Variants in ME1 observed in about 807,000 individuals in gnomAD.
The protein encoded by ME1 is malic enzyme 1.
A neutral mutation model predicts 66.4 loss-of-function variants in ME1; 74 were observed. The ratio of observed to expected loss-of-function variants is 1.11; its 90% CI spans 0.92 to 1.35. The LOEUF (loss-of-function observed/expected upper bound fraction) is 1.35, where lower values mean the gene tolerates loss of function less well. Among genes scored for constraint, ME1 ranks in the 40% most tolerant of loss-of-function variants. ME1 has a pLI of 0.00. For synonymous variants in ME1, 251 were observed against 235.6 expected, an observed-to-expected ratio of 1.07 and a Z score of -0.60; for missense variants, 750 against 694.1, an observed-to-expected ratio of 1.08 and a Z score of -0.90.
intron 5 of ME1, among the ~76,000 whole-genome samples, chr6:83,317,247 A>G (rs557321701): frequency 2.1e-4 from 32 of 151,394 alleles, no homozygotes; most frequent in African/African-American, 7.7e-4. Flanking sequence ...TTTTTAAGAA[A>G]TCTCTGAATG....
intron 5 of ME1, among the ~76,000 whole-genome samples, chr6:83,317,307 T>C (rs1342317253): frequency 6.6e-6 from 1 of 152,224 alleles, no homozygotes; most frequent in South Asian, 2.1e-4. Flanking sequence ...AAGGAACTGG[T>C]CTTCCATTTG....
At chr6:83,374,892 G>A (rs997531308) in intron 3 of ME1, among the ~76,000 whole-genome samples, 1 of 152,180 alleles carries the variant, frequency 6.6e-6, no homozygotes, top group Non-Finnish European at 1.5e-5. Flanking sequence ...GTTTGTCAAA[G>A]ATCAGATAGT....
chr6:83,254,539 C>A (rs1264743089), intron 6 of ME1, among the ~76,000 whole-genome samples: 2 of 152,122 alleles, frequency 1.3e-5, no homozygotes, highest in Non-Finnish European at 2.9e-5. Context: ...TTTTACAAAC[C>A]TTTTATTCTC....
chr6:83,221,682 C>CAGATTTGGCCACTACT (rs547927182), intron 12 of ME1, among the ~76,000 whole-genome samples: 119 of 151,934 alleles, frequency 7.8e-4, no homozygotes, highest in Non-Finnish European at 1.6e-3. Flanking sequence ...TAGAGATACA[C>CAGATTTGGCCACTACT]AGATTTGGCC....
At chr6:83,282,466 A>T (rs1767317119) in intron 6 of ME1, among the ~76,000 whole-genome samples, 1 of 152,258 alleles carries the variant, frequency 6.6e-6, no homozygotes, top group African/African-American at 2.4e-5. Context: ...ATGAACAGAC[A>T]CTTCTCAAAA....
chr6:83,358,861 A>G (rs191384486), intron 3 of ME1, among the ~76,000 whole-genome samples: 11 of 152,148 alleles, frequency 7.2e-5, no homozygotes, highest in Non-Finnish European at 4.4e-5. Flanking sequence ...GCCAGGCAAG[A>G]TAATGTTTTT....
At chr6:83,317,277 A>G (rs964499298) in intron 5 of ME1, among the ~76,000 whole-genome samples, 6 of 152,240 alleles carry the variant, frequency 3.9e-5, no homozygotes, top group Admixed American at 3.9e-4. Flanking sequence ...GAAGACTACT[A>G]GATCACCTTG....
rs564671932 is a variant in ME1, at chr6:83,414,471, A to C, written c.79-6570T>G. ...CAATATATCTAAAATATATTCAGCT[A>C]AGTCTTGGCCTTTGATACCCTAAAA... On this transcript the variant is annotated intron_variant, in intron 1 of 13. Transcript: ENST00000369705. 4.6e-5 allele frequency among the ~76,000 whole-genome samples: 7 copies of C among 152,288 alleles called. No homozygotes were observed. In the East Asian group the frequency reaches 1.2e-3, roughly 25 times the overall value.
At chr6:83,326,475 T>G (rs1768293130) in intron 5 of ME1, among the ~76,000 whole-genome samples, 1 of 152,226 alleles carries the variant, frequency 6.6e-6, no homozygotes, top group Non-Finnish European at 1.5e-5. Flanking sequence ...GGGAGAAATT[T>G]TTGCAATCTA....
At chr6:83,349,025 C>T (rs1224757332) in intron 4 of ME1, among the ~76,000 whole-genome samples, 1 of 141,464 alleles carries the variant, frequency 7.1e-6, no homozygotes, top group African/African-American at 2.7e-5. Context: ...ACAGTGCATT[C>T]TTTCTTATTT....
chr6:83,296,911 T>C (rs1325881543), intron 6 of ME1, among the ~76,000 whole-genome samples: 2 of 152,192 alleles, frequency 1.3e-5, no homozygotes, highest in African/African-American at 4.8e-5. Context: ...GCTAAAAAAT[T>C]GTATTTTGTT....
intron 1 of ME1, among the ~76,000 whole-genome samples, chr6:83,427,616 G>C (rs145738070): frequency 5.9e-5 from 9 of 152,088 alleles, no homozygotes; most frequent in Admixed American, 3.3e-4. Context: ...TAAAGACATG[G>C]CTCATTCATT....
At chr6:83,266,415 C>T (rs2038242) in intron 6 of ME1, among the ~76,000 whole-genome samples, 28,493 of 152,058 alleles carry the variant, frequency 0.19, 7,108 homozygotes, top group African/African-American at 0.57. Flanking sequence ...GGAATAATGT[C>T]AAAGTCTGAA....
chr6:83,356,474 G>A (rs146621798), intron 3 of ME1, among the ~76,000 whole-genome samples: 41 of 152,222 alleles, frequency 2.7e-4, no homozygotes, highest in Non-Finnish European at 4.6e-4. Context: ...GCAAATTTAG[G>A]ATAGATATGC....
intron 6 of ME1, among the ~76,000 whole-genome samples, chr6:83,301,697 G>T (rs1160131152): frequency 6.6e-6 from 1 of 152,054 alleles, no homozygotes; most frequent in Non-Finnish European, 1.5e-5. Flanking sequence ...TATGAAAAAA[G>T]TTCAATATCA....
intron 6 of ME1, among the ~76,000 whole-genome samples, chr6:83,263,834 A>G (rs758880641): frequency 9.4e-6 from 1 of 106,630 alleles, no homozygotes; most frequent in Non-Finnish European, 2.0e-5. Flanking sequence ...ATAACATAAC[A>G]TAACATAACC....
Position 83,386,166 on chromosome 6 carries a change from C to T in ME1, c.362+12201G>A, listed in dbSNP as rs143412182. On this transcript the variant is annotated intron_variant, in intron 3 of 13. Transcript: ENST00000369705. Reference sequence around the variant, plus strand: ...TAAATCAAAATCAAAGGCTTATTACCATAGATAAATAGTGAAAATGTTTTT... The same window carrying T: ...TAAATCAAAATCAAAGGCTTATTACTATAGATAAATAGTGAAAATGTTTTT... 1.4e-3 allele frequency among the ~76,000 whole-genome samples: 210 copies of T among 151,752 alleles called. 1 individual carries two copies. The highest frequency in any genetic ancestry group is 4.8e-3 in the African/African-American group (199 of 41,296).
At chr6:83,278,169 T>C (rs1361967238) in intron 6 of ME1, among the ~76,000 whole-genome samples, 5 of 152,128 alleles carry the variant, frequency 3.3e-5, no homozygotes, top group Admixed American at 3.3e-4. Context: ...CAGAGAATCA[T>C]GGCTTTGAGT....
chr6:83,315,386 C>T lies in ME1; in HGVS notation c.628G>A (p.Gly210Arg). 1 of 1,608,252 alleles carries T rather than the reference C, an allele frequency of 6.2e-7. No homozygotes were observed. The highest frequency in any genetic ancestry group is 8.5e-7 in the Non-Finnish European group (1 of 1,176,986). Reference protein sequence around the residue: ...EELLKDPLYIGLRQRRVRGSE... With the variant: ...EELLKDPLYIRLRQRRVRGSE... ...CCTCTTACTCTTCTCTGCCGTAGTC[C>T]AATGTAGAGTGGATCTTTAAGTAAC... Residue 210 changes from glycine to arginine, a missense_variant, in exon 6 of 14, where the codon GGA (glycine) becomes AGA (arginine). Transcript: ENST00000369705.
Sources: gnomAD v4.1 joint callset for allele counts (sites outside exome capture counted in the v4.1 genomes callset) on GRCh38, gnomAD v4.1.1 for gene constraint, MANE v1.5 for transcripts, NCBI Gene and HGNC (gene_info 2026-07-23, HGNC 2026-07-21) for gene names.